SALL3: variants seen among roughly 807,000 people sequenced by gnomAD.
SALL3 encodes the protein spalt like transcription factor 3.
In SALL3, 25 loss-of-function variants were observed where a neutral mutation model predicts 66.2. That is an observed-to-expected ratio of 0.38 (90% CI 0.28 to 0.53). The LOEUF is 0.53. Ranked by LOEUF, SALL3 falls within the 20% of genes least tolerant of loss-of-function variation. The probability of loss-of-function intolerance (pLI) is 0.85; values close to 1 mark genes in which losing one functional copy is unlikely to be tolerated. For missense variants in SALL3, 2,194 were observed against 1,916.5 expected (o/e 1.14, Z -2.70); for synonymous variants, 1,152 against 899.1 (o/e 1.28, Z -5.03).
intron 2 of SALL3, 151 bp from the exon 3 acceptor site, chr18:78,996,740 T>C (rs552662968): frequency 1.3e-5 from 9 of 680,272 alleles, no homozygotes; most frequent in South Asian, 4.1e-5. Flanking sequence ...CATGTAGAAA[T>C]ATAAAGTGCC....
rs1382545610 is a variant in SALL3 at position 78,992,226 on chromosome 18, G to A, written c.235G>A (p.Val79Met). ...GCGGAGCTGCACCAAGCTCCCGCCC[G>A]TGCTGATCGTGCACGAGGACGCGCC... Reference protein sequence around the residue: ...HQRSCTKLPPVLIVHEDAPAP... With the variant: ...HQRSCTKLPPMLIVHEDAPAP... The change falls in exon 2 of 3, where the codon GTG (valine) becomes ATG (methionine). Residue 79 changes from valine to methionine, a missense_variant. Coordinates refer to ENST00000537592, the MANE Select transcript of SALL3 (RefSeq NM_171999.4). 4 of 1,604,248 alleles carry A rather than the reference G, an allele frequency of 2.5e-6. No homozygotes were observed. The highest frequency in any genetic ancestry group is 1.3e-5 in the African/African-American group (1 of 74,304).
At position 78,994,759 on chromosome 18, in the gene SALL3, G is replaced by A. The variant is rs369671285; in HGVS notation, c.2768G>A (p.Gly923Asp). The A allele has an allele frequency of 8.4e-5, 134 of 1,600,200 alleles. 1 individual carries two copies. Among genetic ancestry groups the A allele is most frequent in the Middle Eastern group, 7.3e-4 (4 of 5,444 alleles). The change falls in exon 2 of 3, where the codon GGC (glycine) becomes GAC (aspartate). Residue 923 changes from glycine (G) to aspartate (D), a missense_variant. Transcript: ENST00000537592. ...ESFRSKSPGL[G>D]APEEPQEIPL... ...TTCCGCTCCAAGTCCCCGGGCCTGG[G>A]CGCCCCGGAGGAGCCCCAGGAAATC...
At chr18:78,996,212 C>T (rs980874671) in intron 2 of SALL3, among the ~76,000 whole-genome samples, 3 of 152,118 alleles carry the variant, frequency 2.0e-5, no homozygotes, top group African/African-American at 7.2e-5. Context: ...AGCGGTAGAG[C>T]GGGTGTGTGA....
chr18:78,994,840 C>T lies in SALL3; in HGVS notation c.2849C>T (p.Ala950Val). Residue 950 changes from alanine (A) to valine (V), a missense_variant, in exon 2 of 3, where the codon GCC becomes GTC. Ala to Val is a moderately conservative substitution (Grantham distance 64). Coordinates refer to ENST00000537592, the MANE Select transcript of SALL3 (RefSeq NM_171999.4). ...GCCGCCGCCCCGGGCAGCGGAGGCG[C>T]CCCTGGCCGCGCGGGCATCAAGGAG... is the stretch of plus-strand genomic sequence containing the variant. ...SPAAAPGSGG[A>V]PGRAGIKEEA... 1.3e-6 allele frequency: 2 copies of T among 1,597,774 alleles called. No individual in the cohort carries two copies. Among genetic ancestry groups the T allele is most frequent in the Non-Finnish European group, 1.7e-6 (2 of 1,172,504 alleles).
At position 78,994,832 on chromosome 18, in the gene SALL3, C is replaced by G. The variant is rs534874192; in HGVS notation, c.2841C>G (p.Ser947Arg). ...RPDSPAAAPG[S>R]GGAPGRAGIK... Reference sequence around the variant, plus strand: ...ACAGCCCAGCCGCCGCCCCGGGCAGCGGAGGCGCCCCTGGCCGCGCGGGCA... The same window carrying G: ...ACAGCCCAGCCGCCGCCCCGGGCAGGGGAGGCGCCCCTGGCCGCGCGGGCA... Residue 947 changes from serine to arginine, a missense_variant, in exon 2 of 3, where the codon AGC becomes AGG. By Grantham distance (110) the Ser-to-Arg change is moderately radical (BLOSUM62 -1). Coordinates refer to ENST00000537592, the MANE Select transcript of SALL3 (RefSeq NM_171999.4). The G allele has an allele frequency of 6.3e-7, 1 of 1,596,670 alleles. No homozygotes were observed. The highest frequency in any genetic ancestry group is 2.3e-5 in the East Asian group (1 of 44,162).
At chr18:78,995,913 C>T (rs914491838) in intron 2 of SALL3, among the ~76,000 whole-genome samples, 1 of 152,192 alleles carries the variant, frequency 6.6e-6, no homozygotes, top group Non-Finnish European at 1.5e-5. Context: ...AGCTGGGCCT[C>T]TGATGCCTTC....
At chr18:78,990,290 G>A (rs570837493) in intron 1 of SALL3, among the ~76,000 whole-genome samples, 20 of 152,258 alleles carry the variant, frequency 1.3e-4, no homozygotes, top group Middle Eastern at 3.4e-3. Flanking sequence ...TCTGGTCTTC[G>A]GCGCTGAATT....
At chr18:78,983,695 T>A (rs1914149780) in intron 1 of SALL3, among the ~76,000 whole-genome samples, 1 of 152,192 alleles carries the variant, frequency 6.6e-6, no homozygotes, top group Non-Finnish European at 1.5e-5. Flanking sequence ...ATATGCATGG[T>A]TTGCCCTCAG....
At position 78,992,919 on chromosome 18, in the gene SALL3, G is replaced by T; in HGVS notation, c.928G>T (p.Ala310Ser). The change falls in exon 2 of 3, where the codon GCG becomes TCG. Residue 310 changes from alanine to serine, a missense_variant. Transcript: ENST00000537592. ...CCCCGGCGGCCCTGCGGAGCCCAGC[G>T]CGCCCGCCGCCCCCAGCGCCGCCCC... ...STPGGPAEPS[A>S]PAAPSAAPAP... The T allele has an allele frequency of 1.0e-6, 1 of 992,170 alleles. No individual in the cohort carries two copies. Among genetic ancestry groups the T allele is most frequent in the Non-Finnish European group, 1.2e-6 (1 of 836,144 alleles). The allele number at this position is 992,170 out of a possible 1,614,324, so 61.5% of individuals were successfully genotyped here. A position where few individuals can be genotyped will look rare whatever the true frequency, so the allele number is the denominator to read the frequency against.
rs1914596599 is a variant in SALL3 at position 78,994,325 on chromosome 18, C to T, written c.2334C>T (p.Ala778=). Residue 778 remains alanine (A), a synonymous_variant, in exon 2 of 3, where the codon GCC becomes GCT. Coordinates refer to ENST00000537592, the MANE Select transcript of SALL3 (RefSeq NM_171999.4). ...NTPLPEGFQD[A]MDSELAYDDK... ...CGCTGCCGGAGGGCTTCCAGGATGC[C>T]ATGGACTCCGAGCTGGCCTACGACG... 3.7e-6 allele frequency: 6 copies of T among 1,613,676 alleles called. No individual in the cohort carries two copies. The South Asian group carries it at 5.5e-5, about 15-fold the overall frequency.
chr18:78,988,364 G>T (rs72985671), intron 1 of SALL3, among the ~76,000 whole-genome samples: 5,657 of 152,216 alleles, frequency 0.037, 144 homozygotes, highest in Non-Finnish European at 0.052. Context: ...TGTAATATAT[G>T]CATTTAATCA....
chr18:78,992,403 C>T lies in SALL3; in HGVS notation c.412C>T (p.Pro138Ser). The part of the protein sequence containing the change: ...EKEAEPMDAE[P>S]AGDTRAPRPP... ...GGAGGCCGAGCCCATGGACGCGGAACCCGCGGGGGACACGCGCGCGCCCCG... is the reference window on the plus strand; with the variant it reads ...GGAGGCCGAGCCCATGGACGCGGAATCCGCGGGGGACACGCGCGCGCCCCG... Residue 138 changes from proline to serine, a missense_variant, in exon 2 of 3, where the codon CCC becomes TCC. Pro to Ser is a moderately conservative substitution (Grantham distance 74, BLOSUM62 -1). Transcript: ENST00000537592. 7.6e-7 allele frequency: 1 copy of T among 1,323,760 alleles called. No homozygotes were observed. The highest frequency in any genetic ancestry group is 1.8e-5 in the South Asian group (1 of 54,970). The allele number at this position is 1,323,760 out of a possible 1,614,324, so 82.0% of individuals were successfully genotyped here. A position where few individuals can be genotyped will look rare whatever the true frequency, so the allele number is the denominator to read the frequency against.
intron 1 of SALL3, among the ~76,000 whole-genome samples, chr18:78,980,826 C>T (rs1289006716): frequency 1.3e-5 from 2 of 152,244 alleles, no homozygotes; most frequent in Admixed American, 6.5e-5. Context: ...CGGCCCCTCC[C>T]GGGCCCCCGC....
Position 78,993,542 on chromosome 18 carries a change from C to T in SALL3, c.1551C>T (p.Pro517=), listed in dbSNP as rs758119384. 8 of 1,595,004 alleles carry T rather than the reference C, an allele frequency of 5.0e-6. No homozygotes were observed. In the Admixed American group the frequency reaches 5.2e-5, roughly 10 times the overall value. Residue 517 remains proline, a synonymous_variant, in exon 2 of 3, where the codon CCC becomes CCT. Transcript: ENST00000537592. ...TGACCACCTGGCTGGACAGCAAGCCCGTGCTGCCCACCGTGCCCACGTCCG... is the reference window on the plus strand; with the variant it reads ...TGACCACCTGGCTGGACAGCAAGCCTGTGCTGCCCACCGTGCCCACGTCCG... ...KPVTTWLDSK[P]VLPTVPTSVG... is the part of the protein sequence containing the mutation.
In SALL3 at chr18:78,994,964, G is replaced by A. The variant is rs372071983; in HGVS notation, c.2973G>A (p.Ala991=). ...VCGKPFACKS[A]LEIHYRSHTK... is the part of the protein sequence containing the mutation. The stretch of plus-strand genomic sequence containing the variant: ...GCAAGCCTTTTGCTTGCAAGAGCGC[G>A]TTGGAAATCCACTACCGCAGCCATA... The change falls in exon 2 of 3, where the codon GCG becomes GCA. Residue 991 remains alanine (A), a synonymous_variant. Transcript: ENST00000537592. 1.7e-5 allele frequency: 28 copies of A among 1,613,646 alleles called. No homozygotes were observed. The highest frequency in any genetic ancestry group is 2.3e-5 in the Non-Finnish European group (27 of 1,180,012).
chr18:78,994,386 G>A lies in SALL3; in HGVS notation c.2395G>A (p.Asp799Asn), dbSNP rs1445504425. 1.2e-6 allele frequency: 2 copies of A among 1,613,264 alleles called. No homozygotes were observed. The highest frequency in any genetic ancestry group is 1.1e-5 in the South Asian group (1 of 91,082). Residue 799 changes from aspartate to asparagine, a missense_variant, in exon 2 of 3, where the codon GAC becomes AAC. Coordinates refer to ENST00000537592, the MANE Select transcript of SALL3 (RefSeq NM_171999.4). Reference sequence around the variant, plus strand: ...GGAGACCCTGAGCAGCTACGATGACGACATGGACGAGAACTCCATGGAGGA... The same window carrying A: ...GGAGACCCTGAGCAGCTACGATGACAACATGGACGAGAACTCCATGGAGGA... ...NAETLSSYDD[D>N]MDENSMEDDA...
Position 78,997,110 on chromosome 18 carries a change from T to A in SALL3, c.3691T>A (p.Ser1231Thr), listed in dbSNP as rs1477668317. 1 of 1,613,898 alleles carries A rather than the reference T, an allele frequency of 6.2e-7. No individual in the cohort carries two copies. The highest frequency in any genetic ancestry group is 1.7e-5 in the Admixed American group (1 of 60,010). ...NGLAMKNNEI[S>T]VIQNGGIPQL... ...GCTCGCCATGAAGAACAACGAGATC[T>A]CCGTCATCCAGAACGGCGGCATCCC... Residue 1231 changes from serine (S) to threonine (T), a missense_variant, in exon 3 of 3, where the codon TCC becomes ACC. Physicochemically the swap from Ser to Thr is moderately conservative, Grantham distance 58. Transcript: ENST00000537592.
intron 1 of SALL3, among the ~76,000 whole-genome samples, chr18:78,981,208 C>T (rs1013504813): frequency 6.6e-6 from 1 of 152,198 alleles, no homozygotes; most frequent in Non-Finnish European, 1.5e-5. Flanking sequence ...GGCGCCTTAG[C>T]CCCGCAAAGT....
At chr18:78,985,337 G>T (rs574018752) in intron 1 of SALL3, among the ~76,000 whole-genome samples, 1 of 152,364 alleles carries the variant, frequency 6.6e-6, no homozygotes, top group Non-Finnish European at 1.5e-5. Context: ...TAAAGAAGAA[G>T]AGAAAACGGC....
Sources: allele counts gnomAD v4.1 joint callset (sites outside exome capture counted in the v4.1 genomes callset), GRCh38; gene constraint gnomAD v4.1.1; transcripts MANE v1.5; gene names NCBI Gene and HGNC (gene_info 2026-07-23, HGNC 2026-07-21).